Variants in KANK1 observed in about 807,000 individuals in gnomAD.
KANK1 encodes KN motif and ankyrin repeat domain-containing protein 1.
A neutral mutation model predicts 106.2 loss-of-function variants in KANK1; 109 were observed. That is an observed-to-expected ratio of 1.03 (90% CI 0.88 to 1.20). The LOEUF is 1.20. KANK1 is among the 50% of genes most tolerant of loss of function. The probability of loss-of-function intolerance (pLI) is 0.00; values close to 1 mark genes in which losing one functional copy is unlikely to be tolerated. For synonymous variants in KANK1, 873 were observed against 652.2 expected, an observed-to-expected ratio of 1.34 and a Z score of -5.16; for missense variants, 2,399 against 1,710.7, an observed-to-expected ratio of 1.40 and a Z score of -7.10.
chr9:611,058 T>G (rs75656897), intron 1 of KANK1, among the ~76,000 whole-genome samples: 2 of 152,308 alleles, frequency 1.3e-5, no homozygotes, highest in East Asian at 3.9e-4. Flanking sequence ...ACTCTGGCAT[T>G]ATTATAATTA....
At chr9:670,781 C>T (rs1215746854) in intron 1 of KANK1, among the ~76,000 whole-genome samples, 3 of 152,076 alleles carry the variant, frequency 2.0e-5, no homozygotes, top group African/African-American at 7.3e-5. Context: ...ATGGATAGGT[C>T]TCCTGCCAAA....
At position 713,226 on chromosome 9, in the gene KANK1, G is replaced by T; in HGVS notation, c.2460G>T (p.Met820Ile). 1 of 1,599,302 alleles carries T rather than the reference G, an allele frequency of 6.3e-7. No individual in the cohort carries two copies. The highest frequency in any genetic ancestry group is 1.1e-5 in the South Asian group (1 of 87,786). The change falls in exon 3 of 12, where the codon ATG becomes ATT. Residue 820 changes from methionine to isoleucine, a missense_variant. By Grantham distance (10) the Met-to-Ile change is conservative. Transcript: ENST00000382297. ...AGCCTCAAGCTCCACTTGGAATGATGACTGGCCTGGATCACTACATTGAGC... is the reference window on the plus strand; with the variant it reads ...AGCCTCAAGCTCCACTTGGAATGATTACTGGCCTGGATCACTACATTGAGC... ...NPQPQAPLGM[M>I]TGLDHYIERI...
intron 2 of KANK1, among the ~76,000 whole-genome samples, chr9:687,447 A>G (rs895969448): frequency 3.9e-5 from 6 of 152,142 alleles, no homozygotes; most frequent in African/African-American, 1.4e-4. Flanking sequence ...GTCTGAAATC[A>G]TGGTCTATTT....
chr9:610,396 A>T (rs1258064730), intron 1 of KANK1, among the ~76,000 whole-genome samples: 1 of 152,188 alleles, frequency 6.6e-6, no homozygotes, highest in Non-Finnish European at 1.5e-5. Flanking sequence ...AGTCCTGAAG[A>T]ATTGAGTGAT....
intron 1 of KANK1, among the ~76,000 whole-genome samples, chr9:537,301 C>G (rs558347096): frequency 6.6e-6 from 1 of 152,144 alleles, no homozygotes; most frequent in African/African-American, 2.4e-5. Flanking sequence ...CGAGAAGCCT[C>G]CTCTCCACTT....
chr9:504,962 G>C (rs1031731158), intron 1 of KANK1, among the ~76,000 whole-genome samples: 6 of 146,656 alleles, frequency 4.1e-5, no homozygotes, highest in Admixed American at 4.0e-4. Context: ...GGCGGTCCTG[G>C]GGGGGGGTCC....
In KANK1 at chr9:740,787, TA is replaced by T; in HGVS notation, c.3554-4del. On this transcript the variant is annotated splice_region_variant and splice_polypyrimidine_tract_variant and intron_variant, in intron 8 of 11. Transcript: ENST00000382297. ...TAAGAGACTTTTTTTTTTTTTTTTT[TA>T]CAGATGTGTGTAATGTGGATCACCA... The T allele has an allele frequency of 1.3e-6, 2 of 1,587,974 alleles. No individual in the cohort carries two copies. Among genetic ancestry groups the T allele is most frequent in the Admixed American group, 1.9e-5 (1 of 52,898 alleles).
chr9:713,980 C>T (rs1238180579), intron 3 of KANK1, among the ~76,000 whole-genome samples: 2 of 152,094 alleles, frequency 1.3e-5, no homozygotes, highest in Non-Finnish European at 2.9e-5. Flanking sequence ...GGTACACATC[C>T]GTAGTCCCAG....
rs1021305545 is a variant in KANK1, at chr9:580,086, G to A, written c.-84+75332G>A. The stretch of plus-strand genomic sequence containing the variant: ...CCGAAGTTTGTTCCTTCTGATGTTC[G>A]TACGTGTTCAGAGTTTCTTCATTCT... On this transcript the variant is annotated intron_variant, in intron 1 of 11. Coordinates refer to ENST00000382297, the MANE Select transcript of KANK1 (RefSeq NM_015158.5). Among the ~76,000 whole-genome samples the A allele has an allele frequency of 4.6e-5, 7 of 152,118 alleles. 1 individual carries two copies. The highest frequency in any genetic ancestry group is 2.1e-4 in the South Asian group (1 of 4,822).
chr9:682,078 G>A (rs1476342808), intron 2 of KANK1, among the ~76,000 whole-genome samples: 3 of 151,966 alleles, frequency 2.0e-5, no homozygotes, highest in Non-Finnish European at 4.4e-5. Flanking sequence ...TCAGGAGCTC[G>A]AGACCAGCCT....
At position 668,894 on chromosome 9, in the gene KANK1, G is replaced by C. The variant is rs796099856; in HGVS notation, c.-83-7996G>C. 4.6e-5 allele frequency among the ~76,000 whole-genome samples: 7 copies of C among 152,114 alleles called. 1 individual carries two copies. Among genetic ancestry groups the C allele is most frequent in the African/African-American group, 1.7e-4 (7 of 41,480 alleles). ...TCAACCTAGATCCTTCGCACTTGCAGTTCACAATAGGGTTTGCACTCTTAT... is the reference window on the plus strand; with the variant it reads ...TCAACCTAGATCCTTCGCACTTGCACTTCACAATAGGGTTTGCACTCTTAT... On this transcript the variant is annotated intron_variant, in intron 1 of 11. Transcript: ENST00000382297.
chr9:743,485 A>G (rs1216786658), intron 10 of KANK1, among the ~76,000 whole-genome samples: 12 of 152,174 alleles, frequency 7.9e-5, no homozygotes, highest in Admixed American at 6.5e-5. Context: ...ATTATCTTTC[A>G]AAGCTTTTGA....
chr9:732,654 ACATTTAATGT>A (rs1564108425), intron 6 of KANK1, 37 bp downstream of exon 6: 1 of 1,600,750 alleles, frequency 6.2e-7, no homozygotes, highest in Non-Finnish European at 8.5e-7. Context: ...TGCCCCTCCC[ACATTTAATGT>A]ACTTTGGCAA....
intron 1 of KANK1, among the ~76,000 whole-genome samples, chr9:579,589 A>G (rs1032543887): frequency 3.3e-5 from 5 of 152,012 alleles, no homozygotes; most frequent in African/African-American, 1.2e-4. Context: ...CCTAGGGGAG[A>G]AGCATCTTCT....
chr9:734,949 C>A, intron 7 of KANK1, 114 bp downstream of exon 7: 1 of 735,648 alleles, frequency 1.4e-6, no homozygotes, highest in South Asian at 1.6e-5. Context: ...TTCTCCTGAA[C>A]TGTTTCCAGC....
At chr9:527,451 G>C (rs527428156) in intron 1 of KANK1, among the ~76,000 whole-genome samples, 1 of 151,628 alleles carries the variant, frequency 6.6e-6, no homozygotes, top group Non-Finnish European at 1.5e-5. Context: ...ACAGGCAGGC[G>C]CCAACACACC....
At chr9:636,374 C>A (rs1837143713) in intron 1 of KANK1, among the ~76,000 whole-genome samples, 1 of 152,156 alleles carries the variant, frequency 6.6e-6, no homozygotes, top group South Asian at 2.1e-4. Flanking sequence ...GTCCTGGTTT[C>A]TTTTGTGTTT....
intron 1 of KANK1, among the ~76,000 whole-genome samples, chr9:523,997 A>G (rs1170100693): frequency 1.3e-5 from 2 of 151,724 alleles, no homozygotes; most frequent in Admixed American, 6.5e-5. Flanking sequence ...CGCAGAAGAC[A>G]CTTAAATAGG....
intron 1 of KANK1, among the ~76,000 whole-genome samples, chr9:657,631 G>A (rs892537236): frequency 6.6e-6 from 1 of 151,860 alleles, no homozygotes; most frequent in Non-Finnish European, 1.5e-5. Flanking sequence ...ATTTGGTTCT[G>A]CCTTTTTAAA....
Sources: gnomAD v4.1 joint callset for allele counts (sites outside exome capture counted in the v4.1 genomes callset) on GRCh38, gnomAD v4.1.1 for gene constraint, MANE v1.5 for transcripts, NCBI Gene and HGNC (gene_info 2026-07-23, HGNC 2026-07-21) for gene names.